The following DTX2 variants were observed in gnomAD, a reference collection of about 807,000 sequenced individuals.
The protein encoded by DTX2 is probable E3 ubiquitin-protein ligase DTX2.
In DTX2, 29 loss-of-function variants were observed where a neutral mutation model predicts 55.3. That is an observed-to-expected ratio of 0.52 (90% CI 0.39 to 0.71). The LOEUF is 0.71. Among genes scored for constraint, DTX2 ranks in the 30% least tolerant of loss-of-function variants. The pLI, the probability that DTX2 is intolerant of heterozygous loss-of-function variation, is 0.00. For missense variants in DTX2, 537 were observed against 822.5 expected (o/e 0.65, Z 4.25); for synonymous variants, 276 against 340.4 (o/e 0.81, Z 2.08).
intron 2 of DTX2, among the ~76,000 whole-genome samples, chr7:76,471,391 G>A (rs1439248465): frequency 6.6e-6 from 1 of 150,418 alleles, no homozygotes; most frequent in Non-Finnish European, 1.5e-5. Flanking sequence ...TCGATCTCCT[G>A]ACCTCGTGAT....
rs7807719 is a variant in DTX2, at chr7:76,505,116, C to A, written c.1642-258C>A. Among the ~76,000 whole-genome samples the A allele has an allele frequency of 0.36, 54,191 of 151,704 alleles. 10,416 individuals carry two copies. The highest frequency in any genetic ancestry group is 0.43 in the East Asian group (2,188 of 5,112). ...AGCAGGGAGGACTCGAGCATGGTGC[C>A]TGGGCATCAGGACCAAACGGATGGC... On this transcript the variant is annotated intron_variant, in intron 10 of 10. Coordinates refer to ENST00000430490, the MANE Select transcript of DTX2 (RefSeq NM_001102594.3). This position sits in a 1 kb window ranked among gnomAD's most constrained non-coding sequence, Gnocchi z 4.4.
intron 4 of DTX2, among the ~76,000 whole-genome samples, chr7:76,490,925 G>A (rs1269807821): frequency 7.5e-6 from 1 of 133,752 alleles, no homozygotes; most frequent in Non-Finnish European, 1.6e-5. Context: ...TGGTGATGAC[G>A]GTCATGATCA....
At chr7:76,476,205 ATAAT>A (rs2116310115) in intron 2 of DTX2, among the ~76,000 whole-genome samples, 1 of 81,292 alleles carries the variant, frequency 1.2e-5, no homozygotes, top group East Asian at 3.5e-4. Flanking sequence ...TATAATACTA[ATAAT>A]TTTCATAATG....
chr7:76,463,468 C>T (rs1407386986), intron 1 of DTX2, 77 bp from the exon 2 acceptor site: 3 of 152,144 alleles, frequency 2.0e-5, no homozygotes, highest in African/African-American at 4.8e-5. Flanking sequence ...CACACGGATC[C>T]AACATCTGTA....
chr7:76,498,898 G>A (rs1811277368), intron 6 of DTX2, among the ~76,000 whole-genome samples: 8 of 71,536 alleles, frequency 1.1e-4, no homozygotes, highest in Non-Finnish European at 1.9e-4. Context: ...GGTGTATGGA[G>A]GTGTGGAGTG....
At chr7:76,499,591 C>T (rs1219450493) in intron 6 of DTX2, among the ~76,000 whole-genome samples, 2 of 148,980 alleles carry the variant, frequency 1.3e-5, no homozygotes, top group South Asian at 2.1e-4. Flanking sequence ...AGCGCCTCCA[C>T]GGGTGGCACT....
rs966785678 is a variant in DTX2, at chr7:76,480,735, A to G, written c.226A>G (p.Ile76Val). 3.1e-6 allele frequency: 5 copies of G among 1,612,596 alleles called. No individual in the cohort carries two copies. Among genetic ancestry groups the G allele is most frequent in the Middle Eastern group, 3.4e-4 (2 of 5,954 alleles). The change falls in exon 3 of 11, where the codon ATT (isoleucine) becomes GTT (valine). Residue 76 changes from isoleucine to valine, a missense_variant. Ile to Val is a conservative substitution (Grantham distance 29). This residue lies in a region of DTX2 where 301 missense variants were observed against 396.6 expected (regional missense o/e 0.76). Coordinates refer to ENST00000430490, the MANE Select transcript of DTX2 (RefSeq NM_001102594.3). ...GQADPSLAPY[I>V]IDLPSWTQFR... ...GGCAGACCCCTCGCTGGCCCCTTAC[A>G]TTATTGACCTCCCCAGCTGGACCCA...
At position 76,480,427 on chromosome 7, in the gene DTX2, C is replaced by G; in HGVS notation, c.-83C>G. 2 of 1,396,940 alleles carry G rather than the reference C, an allele frequency of 1.4e-6. 1 individual carries two copies. The highest frequency in any genetic ancestry group is 2.9e-5 in the South Asian group (2 of 68,566). 86.5% of individuals were successfully genotyped at this position (1,396,940 alleles called of 1,614,324 possible). On this transcript the variant is annotated 5_prime_UTR_variant, in exon 3 of 11. Transcript: ENST00000430490. ...ATGTCTGTCCTGTTCACAGATCTGC[C>G]GGAGGCGCTGGGCAATGACCCCGGG...
At chr7:76,503,729 T>C (rs1349137154) in intron 9 of DTX2, 142 bp downstream of exon 9, 6 of 964,252 alleles carry the variant, frequency 6.2e-6, no homozygotes, top group Non-Finnish European at 7.5e-6. Flanking sequence ...GCCAGAGCCA[T>C]GGAGGGCCGG....
chr7:76,475,708 A>C (rs1163566532), intron 2 of DTX2, among the ~76,000 whole-genome samples: 1 of 148,592 alleles, frequency 6.7e-6, no homozygotes, highest in Admixed American at 6.7e-5. Flanking sequence ...AAAGAAAAAA[A>C]ATCCCATAAT....
intron 2 of DTX2, among the ~76,000 whole-genome samples, chr7:76,468,447 CATTTTTTTTTTT>C (rs751208016): frequency 0.19 from 14,801 of 76,208 alleles, 301 homozygotes; most frequent in Middle Eastern, 0.28. Flanking sequence ...GGCCCACTGC[CATTTTTTTTTTT>C]TTTTTTTTTT....
intron 9 of DTX2, 80 bp downstream of exon 9, chr7:76,503,667 T>G: frequency 7.6e-7 from 1 of 1,322,500 alleles, no homozygotes; most frequent in Non-Finnish European, 1.0e-6. Flanking sequence ...TGCCCCTGGA[T>G]CAAGGCTGAG....
chr7:76,499,650 C>T (rs1192531184), intron 6 of DTX2, among the ~76,000 whole-genome samples: 1 of 147,886 alleles, frequency 6.8e-6, no homozygotes. Context: ...CTGCTGGCTT[C>T]TGTGGTTCTG....
At chr7:76,501,989 C>T (rs755233813) in intron 7 of DTX2, 6 of 384,846 alleles carry the variant, frequency 1.6e-5, no homozygotes, top group East Asian at 1.5e-4. Context: ...TGAGTTCAAG[C>T]GATTCTCTTG....
intron 4 of DTX2, among the ~76,000 whole-genome samples, chr7:76,486,846 G>GGCGGCC (rs1554636852): frequency 5.0e-5 from 4 of 79,838 alleles, no homozygotes; most frequent in African/African-American, 1.7e-4. Flanking sequence ...TGTTGTGGTG[G>GGCGGCC]GCTGCTGCTG....
chr7:76,468,834 C>T (rs1197585923), intron 2 of DTX2, among the ~76,000 whole-genome samples: 1 of 135,990 alleles, frequency 7.4e-6, no homozygotes, highest in Non-Finnish European at 1.5e-5. Context: ...ACAGTCTCGG[C>T]TCACTGCAGC....
In DTX2 at chr7:76,480,701, C is replaced by T; in HGVS notation, c.192C>T (p.Pro64=). The change falls in exon 3 of 11, where the codon CCC becomes CCT. Residue 64 remains proline (P), a synonymous_variant. Coordinates refer to ENST00000430490, the MANE Select transcript of DTX2 (RefSeq NM_001102594.3). Reference sequence around the variant, plus strand: ...TTGGGAGCCTGGCCCACAGCATCCCCTTGGGCCAGGCAGACCCCTCGCTGG... The same window carrying T: ...TTGGGAGCCTGGCCCACAGCATCCCTTTGGGCCAGGCAGACCCCTCGCTGG... The part of the protein sequence containing the change: ...FGLGSLAHSI[P]LGQADPSLAP... 6.2e-7 allele frequency: 1 copy of T among 1,613,734 alleles called. No homozygotes were observed. Among genetic ancestry groups the T allele is most frequent in the Non-Finnish European group, 8.5e-7 (1 of 1,179,824 alleles).
rs563104288 is a variant in DTX2, at chr7:76,505,970, C to G, written c.*369C>G. The G allele has an allele frequency of 2.0e-3, 756 of 381,012 alleles. 4 individuals carry two copies. Among genetic ancestry groups the G allele is most frequent in the Admixed American group, 5.3e-3 (126 of 23,566 alleles). The allele number at this position is 381,012 out of a possible 1,614,324, so 23.6% of individuals were successfully genotyped here. On this transcript the variant is annotated 3_prime_UTR_variant, in exon 11 of 11. Coordinates refer to ENST00000430490, the MANE Select transcript of DTX2 (RefSeq NM_001102594.3). The surrounding 1 kb of genome is among the most constrained non-coding windows in gnomAD (Gnocchi z 4.4). ...GCTTCTTTTACCTCAATTTTGTTTG[C>G]AATAAATGCTCTATAGCCAAAGCCA...
chr7:76,473,253 C>T (rs1808153132), intron 2 of DTX2, among the ~76,000 whole-genome samples: 3 of 151,962 alleles, frequency 2.0e-5, no homozygotes, highest in African/African-American at 4.8e-5. Context: ...AGACATCCCC[C>T]GTGGGTGGCC....
Sources: allele counts gnomAD v4.1 joint callset (sites outside exome capture counted in the v4.1 genomes callset), GRCh38; gene constraint gnomAD v4.1.1; regional missense constraint gnomAD v4.1.1; non-coding constraint Gnocchi (gnomAD v3.1); transcripts MANE v1.5; gene names NCBI Gene and HGNC (gene_info 2026-07-23, HGNC 2026-07-21).